KCNIP3: variants seen among roughly 807,000 people sequenced by gnomAD.
KCNIP3 encodes the protein calsenilin.
A neutral mutation model predicts 35.0 loss-of-function variants in KCNIP3; 28 were observed. The observed-to-expected ratio is 0.80, with a 90% CI of 0.59 to 1.10. KCNIP3 has a LOEUF of 1.10. Ranked by LOEUF, KCNIP3 falls within the 50% of genes least tolerant of loss-of-function variation. The pLI is 0.00. For synonymous variants in KCNIP3, 134 were observed against 133.8 expected (o/e 1.00, Z -0.01); for missense variants, 295 against 338.4 (o/e 0.87, Z 1.01).
intron 2 of KCNIP3, among the ~76,000 whole-genome samples, chr2:95,324,064 G>A (rs1678661631): frequency 1.3e-5 from 2 of 152,340 alleles, no homozygotes; most frequent in Middle Eastern, 3.4e-3. Flanking sequence ...CAGATAGACC[G>A]GGGCTCCCCA....
intron 2 of KCNIP3, among the ~76,000 whole-genome samples, chr2:95,324,024 G>A (rs1250798598): frequency 3.9e-5 from 6 of 152,204 alleles, no homozygotes; most frequent in African/African-American, 1.2e-4. Flanking sequence ...GAGGGAGCCC[G>A]CGGCCACTGC....
intron 1 of KCNIP3, among the ~76,000 whole-genome samples, chr2:95,303,705 G>A (rs1558756799): frequency 6.6e-6 from 1 of 152,188 alleles, no homozygotes; most frequent in Non-Finnish European, 1.5e-5. Context: ...GCAGCTGCGA[G>A]TCCAGCTGGA....
chr2:95,325,059 G>A (rs569628771), intron 2 of KCNIP3, among the ~76,000 whole-genome samples: 31 of 152,350 alleles, frequency 2.0e-4, no homozygotes, highest in African/African-American at 6.7e-4. Flanking sequence ...CTGGCTGAGC[G>A]ACAGGCAGAG....
At chr2:95,318,974 C>A (rs149132121) in intron 2 of KCNIP3, among the ~76,000 whole-genome samples, 119 of 152,324 alleles carry the variant, frequency 7.8e-4, no homozygotes, top group African/African-American at 2.6e-3. Flanking sequence ...CTGCAGCCGC[C>A]GGCAGGGCTG....
chr2:95,368,876 C>A, intron 2 of KCNIP3: 1 of 181,230 alleles, frequency 5.5e-6, no homozygotes. Flanking sequence ...ACAAAAAGCC[C>A]CCACCATCCT....
In KCNIP3 at chr2:95,382,362, A is replaced by G. The variant is rs1680369568; in HGVS notation, c.556-15A>G. On this transcript the variant is annotated splice_polypyrimidine_tract_variant and intron_variant, in intron 6 of 8. Transcript: ENST00000295225. This position sits in a 1 kb window ranked among gnomAD's most constrained non-coding sequence, Gnocchi z 4.5. ...CCCGGCCTTGCAGCAGGCTCATGCC[A>G]GCCTCCCCCTCCAGGAGATGCTGGC... is the stretch of plus-strand genomic sequence containing the variant. The G allele has an allele frequency of 2.6e-6, 4 of 1,552,242 alleles. No homozygotes were observed. Among genetic ancestry groups the G allele is most frequent in the Non-Finnish European group, 3.5e-6 (4 of 1,146,882 alleles).
chr2:95,368,624 CT>C, intron 2 of KCNIP3: 1 of 351,444 alleles, frequency 2.8e-6, no homozygotes, highest in Admixed American at 3.3e-5. Context: ...TGTGTGAACA[CT>C]TTTGTCTCCA....
At chr2:95,314,491 T>TG (rs1678403323) in intron 2 of KCNIP3, among the ~76,000 whole-genome samples, 2 of 152,214 alleles carry the variant, frequency 1.3e-5, no homozygotes, top group South Asian at 4.1e-4. Flanking sequence ...ATCTGAGTCC[T>TG]GGGTGGTCCT....
Position 95,374,787 on chromosome 2 carries a change from T to C in KCNIP3, c.307-61T>C, listed in dbSNP as rs1342971284. On this transcript the variant is annotated intron_variant, in intron 3 of 8. Transcript: ENST00000295225. Reference sequence around the variant, plus strand: ...GTGGAGAGAGGCCAGCCAGGCACCATGCAGAGTCGGGCTTGGAGCTGGGGG... The same window carrying C: ...GTGGAGAGAGGCCAGCCAGGCACCACGCAGAGTCGGGCTTGGAGCTGGGGG... 2.6e-6 allele frequency: 4 copies of C among 1,567,638 alleles called. No individual in the cohort carries two copies. The East Asian group carries it at 6.7e-5, about 26-fold the overall frequency.
At chr2:95,325,029 AG>A (rs768657643) in intron 2 of KCNIP3, among the ~76,000 whole-genome samples, 1 of 152,154 alleles carries the variant, frequency 6.6e-6, no homozygotes, top group Non-Finnish European at 1.5e-5. Flanking sequence ...GGGAGGTAGA[AG>A]GGGGGCTCCA....
chr2:95,297,470 T>C lies in KCNIP3; in HGVS notation c.15+17T>C. ...CCGGCTAAGGTAGGTGCTGGGGGAA[T>C]GGGGTCTTGCTCTGGAGGGGGGTCG... On this transcript the variant is annotated intron_variant, in intron 1 of 8. Transcript: ENST00000295225. 1.9e-6 allele frequency: 1 copy of C among 533,754 alleles called. No individual in the cohort carries two copies. The highest frequency in any genetic ancestry group is 2.6e-6 in the Non-Finnish European group (1 of 385,352). The allele number at this position is 533,754 out of a possible 1,614,324, so 33.1% of individuals were successfully genotyped here.
rs1030828760 is a variant in KCNIP3 at position 95,342,209 on chromosome 2, TGAAATCACA to T, written c.181+31691_181+31699del. Among the ~76,000 whole-genome samples the T allele has an allele frequency of 6.6e-5, 10 of 152,120 alleles. 1 individual carries two copies. The highest frequency in any genetic ancestry group is 5.2e-4 in the Admixed American group (8 of 15,266). On this transcript the variant is annotated intron_variant, in intron 2 of 8. Coordinates refer to ENST00000295225, the MANE Select transcript of KCNIP3 (RefSeq NM_013434.5). ...CCGGCCATGGGGGGCAAGGTTGAAT[TGAAATCACA>T]GGCTTTGGAGCTGGACTGCTTGGGT...
At position 95,373,136 on chromosome 2, in the gene KCNIP3, G is replaced by C. The variant is rs1435339076; in HGVS notation, c.182-1160G>C. ...GGTGATTATGGATCACCACCATTCT[G>C]TGTGGCCCAGGGGAGACAGGGCGAC... On this transcript the variant is annotated intron_variant, in intron 2 of 8. Transcript: ENST00000295225. Among the ~76,000 whole-genome samples, 18 of 152,298 alleles carry C rather than the reference G, an allele frequency of 1.2e-4. No individual in the cohort carries two copies. In the South Asian group the frequency reaches 2.7e-3, roughly 23 times the overall value.
intron 2 of KCNIP3, among the ~76,000 whole-genome samples, chr2:95,324,689 A>G (rs896275271): frequency 1.3e-4 from 19 of 151,668 alleles, no homozygotes; most frequent in Non-Finnish European, 2.8e-4. Context: ...AAGGTGGGCG[A>G]ATCACAAGGT....
At chr2:95,370,241 T>G (rs1331126829) in intron 2 of KCNIP3, among the ~76,000 whole-genome samples, 1 of 152,246 alleles carries the variant, frequency 6.6e-6, no homozygotes, top group Non-Finnish European at 1.5e-5. Context: ...TGTTTTAATA[T>G]AAATGCTAAC....
intron 2 of KCNIP3, among the ~76,000 whole-genome samples, chr2:95,325,587 A>T (rs1678718071): frequency 1.3e-5 from 2 of 151,992 alleles, no homozygotes; most frequent in Non-Finnish European, 1.5e-5. Context: ...ATGCACGCAC[A>T]CACGCACTCA....
intron 1 of KCNIP3, among the ~76,000 whole-genome samples, chr2:95,305,494 T>A (rs374589677): frequency 2.4e-4 from 37 of 152,172 alleles, no homozygotes; most frequent in African/African-American, 8.4e-4. Context: ...CTAGTCCGAT[T>A]TCCCAGTTCA....
At chr2:95,346,834 T>TCGC (rs935978862) in intron 2 of KCNIP3, 8 of 216,696 alleles carry the variant, frequency 3.7e-5, no homozygotes, top group South Asian at 1.7e-4. Flanking sequence ...CCTGACCCGC[T>TCGC]CGCCGCCGCC....
intron 2 of KCNIP3, among the ~76,000 whole-genome samples, chr2:95,356,704 C>G (rs1177494703): frequency 6.6e-6 from 1 of 152,132 alleles, no homozygotes; most frequent in Non-Finnish European, 1.5e-5. Flanking sequence ...TTCCATTGGT[C>G]TATATATCTA....
Sources: gnomAD v4.1 joint callset for allele counts (sites outside exome capture counted in the v4.1 genomes callset) on GRCh38, gnomAD v4.1.1 for gene constraint, Gnocchi (gnomAD v3.1) non-coding constraint, MANE v1.5 for transcripts, NCBI Gene and HGNC (gene_info 2026-07-23, HGNC 2026-07-21) for gene names.